The following CTNND2 variants were observed in gnomAD, a reference collection of about 807,000 sequenced individuals.
CTNND2 encodes the protein catenin delta-2.
Under a neutral mutation model 144.4 loss-of-function variants are expected in CTNND2, and 22 were observed. That is an observed-to-expected ratio of 0.15 (90% CI 0.11 to 0.22). The LOEUF (loss-of-function observed/expected upper bound fraction) is 0.22, where lower values mean the gene tolerates loss of function less well. Ranked by LOEUF, CTNND2 falls within the 10% of genes least tolerant of loss-of-function variation. The pLI is 1.00. For synonymous variants in CTNND2, 751 were observed against 695.6 expected (o/e 1.08, Z -1.25); for missense variants, 1,353 against 1,618.8 (o/e 0.84, Z 2.82).
At chr5:11,141,057 C>T (rs560717113) in intron 12 of CTNND2, among the ~76,000 whole-genome samples, 6 of 152,220 alleles carry the variant, frequency 3.9e-5, no homozygotes, top group South Asian at 2.1e-4. Context: ...CAGGCTCAAG[C>T]GATCCTCTGA....
intron 2 of CTNND2, among the ~76,000 whole-genome samples, chr5:11,652,060 C>T (rs1717609016): frequency 6.6e-6 from 1 of 152,010 alleles, no homozygotes; most frequent in Admixed American, 6.6e-5. Context: ...GGGCCAGGGG[C>T]AGAATGATAT....
chr5:11,160,342 C>T (rs1758650123), intron 11 of CTNND2, among the ~76,000 whole-genome samples: 1 of 152,160 alleles, frequency 6.6e-6, no homozygotes, highest in Non-Finnish European at 1.5e-5. Flanking sequence ...TCATGGAGGA[C>T]CTACAGAATG....
intron 9 of CTNND2, among the ~76,000 whole-genome samples, chr5:11,284,896 T>G (rs1239440174): frequency 6.6e-6 from 1 of 152,154 alleles, no homozygotes; most frequent in Non-Finnish European, 1.5e-5. Flanking sequence ...GGAGGCTGAG[T>G]GATAGCAGAA....
chr5:10,982,229 C>T (rs1295826724), intron 20 of CTNND2, among the ~76,000 whole-genome samples: 6 of 152,168 alleles, frequency 3.9e-5, no homozygotes, highest in South Asian at 2.1e-4. Flanking sequence ...AGCTTTTAGC[C>T]GGAGAGTGAC....
chr5:11,849,278 C>T (rs1794902196), intron 1 of CTNND2, among the ~76,000 whole-genome samples: 1 of 152,058 alleles, frequency 6.6e-6, no homozygotes, highest in Admixed American at 6.6e-5. Context: ...AAACTGCCCC[C>T]ATGATTCAAT....
chr5:11,309,745 G>A (rs371601401), intron 9 of CTNND2, among the ~76,000 whole-genome samples: 4 of 152,276 alleles, frequency 2.6e-5, no homozygotes, highest in African/African-American at 7.2e-5. Context: ...ATATCGTTTG[G>A]ATTTGTGTCG....
chr5:11,785,255 T>TA (rs538388960), intron 1 of CTNND2, among the ~76,000 whole-genome samples: 3 of 152,176 alleles, frequency 2.0e-5, no homozygotes, highest in Non-Finnish European at 4.4e-5. Context: ...ATGAGGATGA[T>TA]AGTGTGTTGG....
At position 10,988,056 on chromosome 5, in the gene CTNND2, C is replaced by A; in HGVS notation, c.3343+55G>T. ...GAAGCCTGATGTCCCATATCTCTGC[C>A]TTGTCGCGGGTCAAGCCACCAAGTT... On this transcript the variant is annotated intron_variant, in intron 20 of 21. Coordinates refer to ENST00000304623, the MANE Select transcript of CTNND2 (RefSeq NM_001332.4). The surrounding 1 kb of genome is among the most constrained non-coding windows in gnomAD (Gnocchi z 5.9). The A allele has an allele frequency of 6.2e-7, 1 of 1,609,728 alleles. No individual in the cohort carries two copies. Among genetic ancestry groups the A allele is most frequent in the Non-Finnish European group, 8.5e-7 (1 of 1,177,660 alleles).
chr5:11,017,070 C>T (rs558867123), intron 18 of CTNND2, among the ~76,000 whole-genome samples: 219 of 152,152 alleles, frequency 1.4e-3, no homozygotes, highest in Non-Finnish European at 2.6e-3. Flanking sequence ...AGCCACTGCA[C>T]ATGGCCTTCT....
intron 5 of CTNND2, among the ~76,000 whole-genome samples, chr5:11,407,157 C>T (rs1428716444): frequency 6.6e-6 from 1 of 152,132 alleles, no homozygotes; most frequent in African/African-American, 2.4e-5. Flanking sequence ...CAGTTCAAGT[C>T]ACATTATTCA....
At chr5:11,345,679 A>G (rs756156514) in intron 9 of CTNND2, among the ~76,000 whole-genome samples, 1 of 152,032 alleles carries the variant, frequency 6.6e-6, no homozygotes, top group South Asian at 2.1e-4. Context: ...CATAAATCCA[A>G]TGGCTATGAA....
chr5:11,747,874 CCACT>C (rs1788399244), intron 1 of CTNND2, among the ~76,000 whole-genome samples: 1 of 152,078 alleles, frequency 6.6e-6, no homozygotes, highest in South Asian at 2.1e-4. Flanking sequence ...TTGAAAGTGT[CCACT>C]CAAATTATGG....
rs777945032 is a variant in CTNND2 at position 11,751,107 on chromosome 5, TAA to T, written c.38-18837_38-18836del. Among the ~76,000 whole-genome samples, 11 of 151,978 alleles carry T rather than the reference TAA, an allele frequency of 7.2e-5. No homozygotes were observed. The East Asian group carries it at 1.4e-3, about 19-fold the overall frequency. The stretch of plus-strand genomic sequence containing the variant: ...TGAAATTTCTACTTAGGGAAACCAT[TAA>T]ATAATTTAAAAGAGATTTATCAGTG... On this transcript the variant is annotated intron_variant, in intron 1 of 21. Coordinates refer to ENST00000304623, the MANE Select transcript of CTNND2 (RefSeq NM_001332.4).
intron 9 of CTNND2, among the ~76,000 whole-genome samples, chr5:11,296,715 C>T (rs1406192664): frequency 6.6e-6 from 1 of 152,172 alleles, no homozygotes; most frequent in Non-Finnish European, 1.5e-5. Flanking sequence ...CCATCATTCT[C>T]AGCAAACTAT....
At chr5:11,281,603 T>C (rs1747124073) in intron 9 of CTNND2, among the ~76,000 whole-genome samples, 1 of 152,244 alleles carries the variant, frequency 6.6e-6, no homozygotes, top group South Asian at 2.1e-4. Context: ...AACATAGATT[T>C]GTTTCCTCAC....
intron 8 of CTNND2, among the ~76,000 whole-genome samples, chr5:11,359,792 G>C (rs879830077): frequency 6.6e-6 from 1 of 152,194 alleles, no homozygotes; most frequent in Non-Finnish European, 1.5e-5. Flanking sequence ...GCAGACGTAG[G>C]TCTGGGGCAG....
At chr5:11,093,090 C>T (rs1750943715) in intron 15 of CTNND2, among the ~76,000 whole-genome samples, 1 of 152,324 alleles carries the variant, frequency 6.6e-6, no homozygotes, top group African/African-American at 2.4e-5. Flanking sequence ...AGATTAACAT[C>T]CAAGTCTCTC....
chr5:11,578,380 G>C (rs1184352661), intron 2 of CTNND2, among the ~76,000 whole-genome samples: 2 of 152,110 alleles, frequency 1.3e-5, no homozygotes, highest in Non-Finnish European at 2.9e-5. Flanking sequence ...GTAGTGAACT[G>C]GGCCAGGCGC....
At chr5:10,982,588 G>A (rs184831473) in intron 20 of CTNND2, among the ~76,000 whole-genome samples, 1 of 152,350 alleles carries the variant, frequency 6.6e-6, no homozygotes, top group Non-Finnish European at 1.5e-5. Context: ...GCTGCTGAAG[G>A]GTCATGGTTC....
Sources: gnomAD v4.1 joint callset for allele counts (sites outside exome capture counted in the v4.1 genomes callset) on GRCh38, gnomAD v4.1.1 for gene constraint, Gnocchi (gnomAD v3.1) non-coding constraint, MANE v1.5 for transcripts, NCBI Gene and HGNC (gene_info 2026-07-23, HGNC 2026-07-21) for gene names.